SHANK2: variants seen among roughly 807,000 people sequenced by gnomAD.
SHANK2 encodes SH3 and multiple ankyrin repeat domains 2, also known as SH3 and multiple ankyrin repeat domains protein 2.
A neutral mutation model predicts 133.7 loss-of-function variants in SHANK2; 43 were observed. That is an observed-to-expected ratio of 0.32 (90% CI 0.25 to 0.41). SHANK2 has a LOEUF of 0.41. Among genes scored for constraint, SHANK2 ranks in the 10% least tolerant of loss-of-function variants. SHANK2 has a pLI of 1.00. For synonymous variants in SHANK2, 1,017 were observed against 952.8 expected (o/e 1.07, Z -1.24); for missense variants, 1,994 against 2,235.8 (o/e 0.89, Z 2.18).
chr11:70,620,898 G>A (rs1554997514), intron 17 of SHANK2, among the ~76,000 whole-genome samples: 1 of 152,180 alleles, frequency 6.6e-6, no homozygotes, highest in Non-Finnish European at 1.5e-5. Context: ...GGGACTTCTA[G>A]TCTCCAAATA....
At chr11:70,556,249 C>A (rs1323129064) in intron 17 of SHANK2, among the ~76,000 whole-genome samples, 2 of 152,122 alleles carry the variant, frequency 1.3e-5, no homozygotes, top group Non-Finnish European at 2.9e-5. Context: ...AATACTTTTC[C>A]ATTGTCTGAA....
intron 2 of SHANK2, among the ~76,000 whole-genome samples, chr11:71,215,916 A>G (rs557697592): frequency 3.3e-5 from 5 of 152,244 alleles, no homozygotes; most frequent in South Asian, 4.1e-4. Context: ...TCGAACCACA[A>G]TGAGACAGCG....
At chr11:70,638,587 C>T (rs1437697710) in intron 17 of SHANK2, among the ~76,000 whole-genome samples, 3 of 152,184 alleles carry the variant, frequency 2.0e-5, no homozygotes, top group African/African-American at 7.2e-5. Context: ...TCCGCGGTGG[C>T]CGAGGAAGCC....
At chr11:70,642,419 C>A (rs528708450) in intron 17 of SHANK2, among the ~76,000 whole-genome samples, 4 of 152,320 alleles carry the variant, frequency 2.6e-5, no homozygotes, top group East Asian at 3.9e-4. Flanking sequence ...GACAGAGGGG[C>A]CTCAGCAGGA....
intron 17 of SHANK2, among the ~76,000 whole-genome samples, chr11:70,623,315 C>G (rs531629484): frequency 1.1e-5 from 1 of 91,776 alleles, no homozygotes; most frequent in South Asian, 3.4e-4. Context: ...AAGCCCACCT[C>G]CTCCGAGGTT....
intron 17 of SHANK2, among the ~76,000 whole-genome samples, chr11:70,544,372 G>A (rs2059662423): frequency 6.6e-6 from 1 of 152,256 alleles, no homozygotes; most frequent in South Asian, 2.1e-4. Flanking sequence ...GGACCTTCCA[G>A]ACCAGCTGTT....
chr11:70,474,761 C>T (rs1555149808), intron 25 of SHANK2: 1 of 152,252 alleles, frequency 6.6e-6, no homozygotes. Flanking sequence ...AAGATCCATC[C>T]TACCACGGCT....
intron 10 of SHANK2, among the ~76,000 whole-genome samples, chr11:70,930,859 G>A (rs939173250): frequency 2.0e-5 from 3 of 150,378 alleles, no homozygotes; most frequent in African/African-American, 7.4e-5. Context: ...TAGAGATGGG[G>A]TCTCACTATT....
At chr11:70,815,417 G>A (rs2135316616) in intron 12 of SHANK2, among the ~76,000 whole-genome samples, 1 of 152,186 alleles carries the variant, frequency 6.6e-6, no homozygotes, top group South Asian at 2.1e-4. Context: ...GGAGGGGCTT[G>A]TGCAGTGATG....
intron 2 of SHANK2, among the ~76,000 whole-genome samples, chr11:71,193,200 C>T (rs1471742083): frequency 2.0e-5 from 3 of 152,158 alleles, no homozygotes; most frequent in African/African-American, 7.2e-5. Flanking sequence ...GCACGGGCCC[C>T]AGTGATGGTC....
chr11:70,761,310 C>T (rs781833021), intron 14 of SHANK2, among the ~76,000 whole-genome samples: 6 of 152,220 alleles, frequency 3.9e-5, no homozygotes, highest in South Asian at 2.1e-4. Flanking sequence ...CTTGGCCACA[C>T]GGGGGCATAG....
At chr11:70,548,756 G>C (rs2059727618) in intron 17 of SHANK2, among the ~76,000 whole-genome samples, 1 of 152,148 alleles carries the variant, frequency 6.6e-6, no homozygotes. Context: ...TTGTAAACAG[G>C]GTCTTTGTAG....
At chr11:70,576,616 G>A (rs991844227) in intron 17 of SHANK2, among the ~76,000 whole-genome samples, 5 of 152,050 alleles carry the variant, frequency 3.3e-5, no homozygotes, top group South Asian at 2.1e-4. Context: ...CAGCCTCGGC[G>A]ACAGAGCGAG....
intron 17 of SHANK2, among the ~76,000 whole-genome samples, chr11:70,620,852 C>A (rs868954680): frequency 1.3e-5 from 2 of 152,152 alleles, no homozygotes; most frequent in Admixed American, 6.5e-5. Context: ...AGGAAGCGAC[C>A]CCTCACCAGG....
At chr11:71,121,612 T>C (rs1172177964) in intron 3 of SHANK2, among the ~76,000 whole-genome samples, 4 of 152,238 alleles carry the variant, frequency 2.6e-5, no homozygotes, top group Non-Finnish European at 4.4e-5. Flanking sequence ...GCCATTGTTT[T>C]TGGTGTTTTA....
intron 11 of SHANK2, among the ~76,000 whole-genome samples, chr11:70,869,998 G>A (rs541354137): frequency 2.0e-5 from 3 of 152,240 alleles, no homozygotes; most frequent in East Asian, 1.9e-4. Flanking sequence ...CAGAACCTAC[G>A]AATGGGGCCT....
At chr11:70,539,557 C>T (rs2059590606) in intron 17 of SHANK2, among the ~76,000 whole-genome samples, 1 of 152,164 alleles carries the variant, frequency 6.6e-6, no homozygotes, top group African/African-American at 2.4e-5. Flanking sequence ...TCACCATACT[C>T]ACCACGCTCA....
rs150632500 is a variant in SHANK2 at position 71,165,949 on chromosome 11, T to C, written c.-12-18611A>G. 9.3e-4 allele frequency among the ~76,000 whole-genome samples: 141 copies of C among 152,290 alleles called. 1 individual carries two copies. In the East Asian group the frequency reaches 0.026, roughly 28 times the overall value. ...GGAAGCCATCTCCTCCATCCTCTGC[T>C]GAGCGTGAGTGGAGGACAACTCTCC... On this transcript the variant is annotated intron_variant, in intron 2 of 25. Transcript: ENST00000601538.
intron 17 of SHANK2, among the ~76,000 whole-genome samples, chr11:70,533,727 G>T (rs556125314): frequency 6.6e-6 from 1 of 152,184 alleles, no homozygotes; most frequent in East Asian, 1.9e-4. Flanking sequence ...TGTTGTGCAA[G>T]CACCACCTCT....
Sources: gnomAD v4.1 joint callset for allele counts (sites outside exome capture counted in the v4.1 genomes callset) on GRCh38, gnomAD v4.1.1 for gene constraint, MANE v1.5 for transcripts, NCBI Gene and HGNC (gene_info 2026-07-23, HGNC 2026-07-21) for gene names.